Variants in ATXN1 observed in about 807,000 individuals in gnomAD.
The protein encoded by ATXN1 is ataxin-1.
In ATXN1, 8 loss-of-function variants were observed where a neutral mutation model predicts 56.4. The ratio of observed to expected loss-of-function variants is 0.14; its 90% CI spans 0.08 to 0.26. ATXN1 has a LOEUF of 0.26. Among genes scored for constraint, ATXN1 ranks in the 10% least tolerant of loss-of-function variants. The probability of loss-of-function intolerance (pLI) is 1.00; values close to 1 mark genes in which losing one functional copy is unlikely to be tolerated. For missense variants in ATXN1, 987 were observed against 1,106.5 expected (o/e 0.89, Z 1.53); for synonymous variants, 514 against 494.6 (o/e 1.04, Z -0.52).
At chr6:16,621,701 A>G (rs1018125696) in intron 3 of ATXN1, among the ~76,000 whole-genome samples, 3 of 152,236 alleles carry the variant, frequency 2.0e-5, no homozygotes, top group African/African-American at 4.8e-5. Flanking sequence ...AGACAGAGCG[A>G]GATTCCATCT....
chr6:16,487,109 G>T (rs1039167026), intron 5 of ATXN1, among the ~76,000 whole-genome samples: 1 of 151,910 alleles, frequency 6.6e-6, no homozygotes, highest in Non-Finnish European at 1.5e-5. Flanking sequence ...AACTTATTTC[G>T]CCTTGTATAC....
rs1761076338 is a variant in ATXN1 at position 16,760,973 on chromosome 6, C to T, written c.-730+325G>A. On this transcript the variant is annotated intron_variant, in intron 1 of 7. Coordinates refer to ENST00000436367, the MANE Select transcript of ATXN1 (RefSeq NM_001128164.2). This position sits in a 1 kb window ranked among gnomAD's most constrained non-coding sequence, Gnocchi z 5.3. Reference sequence around the variant, plus strand: ...CCTAGCCCGGCGGGCGCCCACCCAGCCCCTGACAGCCCCCCCGCCGGCCGC... The same window carrying T: ...CCTAGCCCGGCGGGCGCCCACCCAGTCCCTGACAGCCCCCCCGCCGGCCGC... Among the ~76,000 whole-genome samples, 1 of 149,276 alleles carries T rather than the reference C, an allele frequency of 6.7e-6. No individual in the cohort carries two copies.
At chr6:16,676,510 C>G (rs1758663330) in intron 2 of ATXN1, among the ~76,000 whole-genome samples, 1 of 152,128 alleles carries the variant, frequency 6.6e-6, no homozygotes, top group African/African-American at 2.4e-5. Context: ...TACTGAGTGC[C>G]TACTTTGTGC....
At chr6:16,324,911 T>G (rs1760766614) in intron 7 of ATXN1, among the ~76,000 whole-genome samples, 1 of 152,212 alleles carries the variant, frequency 6.6e-6, no homozygotes, top group Non-Finnish European at 1.5e-5. Flanking sequence ...TTTCTGATGC[T>G]TTGATATTTT....
intron 2 of ATXN1, among the ~76,000 whole-genome samples, chr6:16,702,178 C>T (rs1346326623): frequency 1.3e-5 from 2 of 152,046 alleles, no homozygotes; most frequent in South Asian, 4.1e-4. Flanking sequence ...AGAAATAATG[C>T]CACACATCTA....
At chr6:16,614,498 G>T (rs1018715303) in intron 3 of ATXN1, among the ~76,000 whole-genome samples, 1 of 151,626 alleles carries the variant, frequency 6.6e-6, no homozygotes, top group Non-Finnish European at 1.5e-5. Flanking sequence ...GGCCAAAAAG[G>T]TTTTCTCTTA....
At chr6:16,348,161 C>T (rs1211295836) in intron 6 of ATXN1, among the ~76,000 whole-genome samples, 1 of 152,200 alleles carries the variant, frequency 6.6e-6, no homozygotes, top group Non-Finnish European at 1.5e-5. Context: ...CCTCGACCTC[C>T]CTGTGCTCAA....
intron 6 of ATXN1, among the ~76,000 whole-genome samples, chr6:16,399,732 C>T (rs576004410): frequency 2.0e-5 from 3 of 152,272 alleles, no homozygotes; most frequent in African/African-American, 7.2e-5. Flanking sequence ...CGCATAGAGG[C>T]CAGGAATGCT....
chr6:16,472,620 A>G (rs1385691717), intron 6 of ATXN1, among the ~76,000 whole-genome samples: 1 of 152,210 alleles, frequency 6.6e-6, no homozygotes, highest in Non-Finnish European at 1.5e-5. Flanking sequence ...ACACTTCTTT[A>G]TCAGTCCTCC....
chr6:16,749,071 T>C (rs757168317), intron 2 of ATXN1, among the ~76,000 whole-genome samples: 1 of 152,232 alleles, frequency 6.6e-6, no homozygotes. Context: ...CTGTGTCTAG[T>C]AGCTAGGTAT....
chr6:16,351,647 C>T (rs1761570036), intron 6 of ATXN1, among the ~76,000 whole-genome samples: 1 of 152,176 alleles, frequency 6.6e-6, no homozygotes, highest in African/African-American at 2.4e-5. Flanking sequence ...AAGAGATCTG[C>T]CTGTCTCAGC....
intron 3 of ATXN1, among the ~76,000 whole-genome samples, chr6:16,590,655 C>CTAAATTCA (rs1034562720): frequency 2.0e-5 from 3 of 151,764 alleles, no homozygotes; most frequent in African/African-American, 7.3e-5. Flanking sequence ...TATAAAAATA[C>CTAAATTCA]TAAATTCATA....
intron 3 of ATXN1, among the ~76,000 whole-genome samples, chr6:16,619,497 T>A (rs1763279622): frequency 6.6e-6 from 1 of 152,178 alleles, no homozygotes; most frequent in South Asian, 2.1e-4. Flanking sequence ...CACAGCAGCA[T>A]GTTTACAATA....
intron 6 of ATXN1, among the ~76,000 whole-genome samples, chr6:16,337,834 T>A (rs1310139432): frequency 6.6e-6 from 1 of 152,152 alleles, no homozygotes; most frequent in African/African-American, 2.4e-5. Context: ...GTGAGCCCTC[T>A]TCATTATCTT....
At chr6:16,692,295 G>A (rs1010140933) in intron 2 of ATXN1, among the ~76,000 whole-genome samples, 3 of 152,186 alleles carry the variant, frequency 2.0e-5, no homozygotes, top group Non-Finnish European at 1.5e-5. Context: ...AACCATTGAA[G>A]TAAACATTTT....
intron 6 of ATXN1, among the ~76,000 whole-genome samples, chr6:16,463,829 C>A (rs1279053924): frequency 6.6e-6 from 1 of 152,212 alleles, no homozygotes; most frequent in Non-Finnish European, 1.5e-5. Flanking sequence ...CACCTTCGGG[C>A]CCTGTGTTTT....
chr6:16,521,457 C>T (rs1761287341), intron 5 of ATXN1, among the ~76,000 whole-genome samples: 1 of 152,182 alleles, frequency 6.6e-6, no homozygotes, highest in Non-Finnish European at 1.5e-5. Context: ...ACTCAGGAGG[C>T]TGAGGCAGGA....
Position 16,453,868 on chromosome 6 carries a change from A to G in ATXN1, c.-161+32104T>C, listed in dbSNP as rs953374395. Among the ~76,000 whole-genome samples the G allele has an allele frequency of 3.9e-5, 6 of 152,256 alleles. No homozygotes were observed. The South Asian group carries it at 8.3e-4, about 21-fold the overall frequency. ...TCAATAATTAAATCGAAGCTGGGCG[A>G]GATGGCTCACACTTGTAATCCCAGC... On this transcript the variant is annotated intron_variant, in intron 6 of 7. Coordinates refer to ENST00000436367, the MANE Select transcript of ATXN1 (RefSeq NM_001128164.2).
chr6:16,553,116 C>A (rs867976546), intron 4 of ATXN1, among the ~76,000 whole-genome samples: 1 of 152,216 alleles, frequency 6.6e-6, no homozygotes, highest in Non-Finnish European at 1.5e-5. Flanking sequence ...TGCCATGGCC[C>A]TTCCAGCTGG....
Sources: gnomAD v4.1 joint callset for allele counts (sites outside exome capture counted in the v4.1 genomes callset) on GRCh38, gnomAD v4.1.1 for gene constraint, Gnocchi (gnomAD v3.1) non-coding constraint, MANE v1.5 for transcripts, NCBI Gene and HGNC (gene_info 2026-07-23, HGNC 2026-07-21) for gene names.